Variants in VPS37A observed in about 807,000 individuals in gnomAD.
The protein encoded by VPS37A is VPS37A subunit of ESCRT-I, also known as vacuolar protein sorting-associated protein 37A.
VPS37A carries 30 observed loss-of-function variants against 49.8 expected under a neutral mutation model. The ratio of observed to expected loss-of-function variants is 0.60; its 90% confidence interval spans 0.45 to 0.82. The LOEUF (loss-of-function observed/expected upper bound fraction) is 0.82, where lower values mean the gene tolerates loss of function less well. Ranked by LOEUF, VPS37A falls within the 40% of genes least tolerant of loss-of-function variation. The pLI is 0.00. For missense variants in VPS37A, 593 were observed against 464.4 expected, an observed-to-expected ratio of 1.28 and a Z score of -2.55; for synonymous variants, 195 against 160.6, an observed-to-expected ratio of 1.21 and a Z score of -1.62.
At chr8:17,290,888 C>G (rs1462302496) in intron 11 of VPS37A, among the ~76,000 whole-genome samples, 2 of 152,092 alleles carry the variant, frequency 1.3e-5, no homozygotes, top group Admixed American at 1.3e-4. Context: ...TGACTTCTTC[C>G]TGGTTGGGAG....
At chr8:17,267,815 C>T (rs990094409) in intron 2 of VPS37A, among the ~76,000 whole-genome samples, 3 of 152,164 alleles carry the variant, frequency 2.0e-5, no homozygotes, top group African/African-American at 7.2e-5. Context: ...GCATGCACCA[C>T]CATGCCCAGC....
chr8:17,287,475 C>G (rs773210346), intron 11 of VPS37A, among the ~76,000 whole-genome samples: 1 of 151,908 alleles, frequency 6.6e-6, no homozygotes, highest in Non-Finnish European at 1.5e-5. Context: ...GAGATCGAGA[C>G]CATTCTGGCT....
the VPS37A span, among the ~76,000 whole-genome samples, chr8:17,317,564 T>A: frequency 2.6e-5 from 4 of 152,172 alleles, no homozygotes; most frequent in Non-Finnish European, 5.9e-5. Context: ...TCCAGAAAGG[T>A]TGACTTTCCA....
downstream of VPS37A, among the ~76,000 whole-genome samples, chr8:17,300,709 A>G (rs1400703701): frequency 6.6e-6 from 1 of 152,216 alleles, no homozygotes; most frequent in Non-Finnish European, 1.5e-5. Flanking sequence ...TACTAATTAT[A>G]AAACACTGTC....
At chr8:17,303,026 A>C (rs1817230730), downstream of VPS37A, among the ~76,000 whole-genome samples, 1 of 152,052 alleles carries the variant, frequency 6.6e-6, no homozygotes. Flanking sequence ...ATCCCTTTTT[A>C]TCCTACACAA....
chr8:17,259,332 C>G (rs1304930781), intron 1 of VPS37A, among the ~76,000 whole-genome samples: 1 of 151,988 alleles, frequency 6.6e-6, no homozygotes, highest in African/African-American at 2.4e-5. Flanking sequence ...CTTTGTCACC[C>G]CATTGGCTGT....
chr8:17,304,634 G>A (rs191764692), downstream of VPS37A: 61 of 1,045,900 alleles, frequency 5.8e-5, no homozygotes, highest in Admixed American at 8.2e-4. Context: ...CCACGTGTCT[G>A]TTCGATAGCA....
rs1816604921 is a variant in VPS37A at position 17,296,075 on chromosome 8, A to G, written c.*1089A>G. ...TAAATTACAAAACAAACTAATGCAT[A>G]ATTTTGCTTAAATTTCATCCCAGTA... On this transcript the variant is annotated 3_prime_UTR_variant, in exon 12 of 12. Coordinates refer to ENST00000324849, the MANE Select transcript of VPS37A (RefSeq NM_152415.3). 6.6e-6 allele frequency: 1 copy of G among 152,184 alleles called. No individual in the cohort carries two copies. The highest frequency in any genetic ancestry group is 6.5e-5 in the Admixed American group (1 of 15,288). The allele number at this position is 152,184 out of a possible 1,614,324, so 9.4% of individuals were successfully genotyped here.
At chr8:17,273,491 C>T (rs1005986022) in intron 4 of VPS37A, among the ~76,000 whole-genome samples, 4 of 152,122 alleles carry the variant, frequency 2.6e-5, no homozygotes, top group South Asian at 2.1e-4. Flanking sequence ...CTCAGCCTCC[C>T]GAGTAGCTGG....
At chr8:17,267,729 G>A (rs951732235) in intron 2 of VPS37A, among the ~76,000 whole-genome samples, 4 of 152,128 alleles carry the variant, frequency 2.6e-5, no homozygotes, top group Non-Finnish European at 5.9e-5. Context: ...GTCTCACTGT[G>A]TTGCCCAGGC....
At chr8:17,247,841 G>C (rs1811461121) in intron 1 of VPS37A, 2 of 689,410 alleles carry the variant, frequency 2.9e-6, no homozygotes, top group Non-Finnish European at 5.3e-6. Flanking sequence ...ATCAGTGAAT[G>C]CTTCTCGTCT....
In VPS37A at chr8:17,296,025, A is replaced by G. The variant is rs1816600864; in HGVS notation, c.*1039A>G. On this transcript the variant is annotated 3_prime_UTR_variant, in exon 12 of 12. Transcript: ENST00000324849. ...TAAAGGAAAATGCCGTGAACTATGT[A>G]GCTCAGGCTTGGTAAGGTGCCATCT... The G allele has an allele frequency of 6.6e-6, 1 of 152,206 alleles. No homozygotes were observed. The highest frequency in any genetic ancestry group is 2.4e-5 in the African/African-American group (1 of 41,458). The allele number at this position is 152,206 out of a possible 1,614,324, so 9.4% of individuals were successfully genotyped here. A position where few individuals can be genotyped will look rare whatever the true frequency, so the allele number is the denominator to read the frequency against.
chr8:17,304,430 T>C, downstream of VPS37A: 1 of 1,614,098 alleles, frequency 6.2e-7, no homozygotes, highest in Non-Finnish European at 8.5e-7. Context: ...TCCCTGAGTC[T>C]GGCTGTGATC....
At chr8:17,323,812 C>T in the VPS37A span, among the ~76,000 whole-genome samples, 1 of 152,292 alleles carries the variant, frequency 6.6e-6, no homozygotes, top group East Asian at 1.9e-4. Flanking sequence ...ACATTAGCCA[C>T]AACTGTCTTG....
At chr8:17,311,614 C>G in the VPS37A span, 11 of 1,614,156 alleles carry the variant, frequency 6.8e-6, no homozygotes, top group South Asian at 1.1e-5. Context: ...AACAAGCACA[C>G]TTGCCCCTTC....
At chr8:17,271,940 C>G (rs73200951) in intron 4 of VPS37A, 53,151 of 452,454 alleles carry the variant, frequency 0.12, 4,173 homozygotes, top group South Asian at 0.24. Context: ...GAAATCTCAT[C>G]TTTCATATTT....
intron 6 of VPS37A, among the ~76,000 whole-genome samples, chr8:17,278,913 C>T (rs1369562790): frequency 2.0e-5 from 3 of 151,922 alleles, no homozygotes; most frequent in South Asian, 4.2e-4. Flanking sequence ...TTATATGGCT[C>T]CATAGTCAAA....
chr8:17,247,695 A>G (rs1811430258), intron 1 of VPS37A: 2 of 702,764 alleles, frequency 2.8e-6, no homozygotes. Context: ...TTCGCCACTG[A>G]TCTTTCCCTT....
chr8:17,332,398 C>G, the VPS37A span, among the ~76,000 whole-genome samples: 1 of 152,140 alleles, frequency 6.6e-6, no homozygotes, highest in African/African-American at 2.4e-5. Context: ...TTGAAAAAAG[C>G]TGAAAACCCA....
Sources: allele counts gnomAD v4.1 joint callset (sites outside exome capture counted in the v4.1 genomes callset), GRCh38; gene constraint gnomAD v4.1.1; transcripts MANE v1.5; gene names NCBI Gene and HGNC (gene_info 2026-07-23, HGNC 2026-07-21).